IFT80: variants seen among roughly 807,000 people sequenced by gnomAD.
IFT80 encodes intraflagellar transport 80.
A neutral mutation model predicts 107.9 loss-of-function variants in IFT80; 79 were observed. The ratio of observed to expected loss-of-function variants is 0.73; its 90% CI spans 0.61 to 0.88. The LOEUF (loss-of-function observed/expected upper bound fraction) is 0.88. IFT80 is among the 40% of genes least tolerant of loss of function. The pLI is 0.00. For synonymous variants in IFT80, 299 were observed against 300.9 expected, an observed-to-expected ratio of 0.99 and a Z score of 0.07; for missense variants, 797 against 914.2, an observed-to-expected ratio of 0.87 and a Z score of 1.65.
At chr3:160,315,714 A>T (rs1717767272) in intron 9 of IFT80, among the ~76,000 whole-genome samples, 1 of 152,096 alleles carries the variant, frequency 6.6e-6, no homozygotes, top group South Asian at 2.1e-4. Flanking sequence ...TGCCATTGTA[A>T]ACTGGGAATA....
At chr3:160,337,352 G>A (rs543389157) in intron 8 of IFT80, among the ~76,000 whole-genome samples, 14 of 152,258 alleles carry the variant, frequency 9.2e-5, no homozygotes, top group African/African-American at 1.4e-4. Flanking sequence ...TGAGCCAGGC[G>A]TGGTGGTTCA....
chr3:160,378,168 T>C (rs1409915795), intron 3 of IFT80, among the ~76,000 whole-genome samples: 14 of 152,122 alleles, frequency 9.2e-5, no homozygotes, highest in Non-Finnish European at 1.5e-5. Flanking sequence ...GCAAGTATTT[T>C]AAACTTGGGA....
At chr3:160,298,400 T>G (rs778470280) in intron 12 of IFT80, among the ~76,000 whole-genome samples, 1 of 152,150 alleles carries the variant, frequency 6.6e-6, no homozygotes, top group South Asian at 2.1e-4. Context: ...TAAGTTTATA[T>G]TTACAGCAAA....
chr3:160,372,365 G>A (rs981638126), intron 5 of IFT80, among the ~76,000 whole-genome samples: 3 of 152,160 alleles, frequency 2.0e-5, no homozygotes, highest in Non-Finnish European at 4.4e-5. Context: ...CAGTAGTTCA[G>A]ATTTACAATC....
chr3:160,267,272 G>T (rs1250492666), intron 19 of IFT80, among the ~76,000 whole-genome samples: 1 of 152,090 alleles, frequency 6.6e-6, no homozygotes, highest in Non-Finnish European at 1.5e-5. Context: ...AATTGTGGGT[G>T]CCTTCTCTCT....
chr3:160,357,612 G>C, intron 6 of IFT80, 34 bp from the exon 7 acceptor site: 1 of 1,396,538 alleles, frequency 7.2e-7, no homozygotes, highest in Non-Finnish European at 1.0e-6. Flanking sequence ...TTAATTATAA[G>C]TTTAAAAGCA....
intron 8 of IFT80, among the ~76,000 whole-genome samples, chr3:160,352,011 A>G (rs1279655849): frequency 1.3e-5 from 2 of 149,982 alleles, no homozygotes; most frequent in Non-Finnish European, 2.9e-5. Flanking sequence ...ACATAACACA[A>G]TAGTAATTTT....
At chr3:160,366,823 C>T (rs886747646) in intron 5 of IFT80, among the ~76,000 whole-genome samples, 2 of 151,770 alleles carry the variant, frequency 1.3e-5, no homozygotes, top group African/African-American at 4.8e-5. Flanking sequence ...ATGAACAATC[C>T]AATTGTACTC....
intron 12 of IFT80, among the ~76,000 whole-genome samples, chr3:160,292,712 G>C (rs1172882260): frequency 1.3e-5 from 2 of 152,064 alleles, no homozygotes; most frequent in African/African-American, 4.8e-5. Context: ...TCCTGACCTT[G>C]TGATGCGCCC....
chr3:160,394,952 T>C (rs1576914974), intron 1 of IFT80, among the ~76,000 whole-genome samples: 2 of 152,132 alleles, frequency 1.3e-5, no homozygotes, highest in South Asian at 2.1e-4. Flanking sequence ...CACTTAATAA[T>C]GGAGACCCCT....
intron 18 of IFT80, among the ~76,000 whole-genome samples, chr3:160,272,986 G>A (rs1015279292): frequency 7.9e-5 from 12 of 152,062 alleles, no homozygotes; most frequent in African/African-American, 2.7e-4. Flanking sequence ...CATTTTATAC[G>A]AAGAACTTGA....
chr3:160,269,973 C>T (rs1401504281), intron 18 of IFT80, among the ~76,000 whole-genome samples: 3 of 151,864 alleles, frequency 2.0e-5, no homozygotes, highest in Non-Finnish European at 4.4e-5. Flanking sequence ...CTAGGAAAAT[C>T]TGGTTCATTT....
chr3:160,355,815 G>A (rs564616669), intron 8 of IFT80, among the ~76,000 whole-genome samples, 198 bp downstream of exon 8: 51 of 152,216 alleles, frequency 3.4e-4, no homozygotes, highest in African/African-American at 1.1e-3. Context: ...AGTAGAGATC[G>A]TGCCCATGCT....
intron 9 of IFT80, among the ~76,000 whole-genome samples, chr3:160,318,046 T>C (rs1717944665): frequency 2.0e-5 from 3 of 151,506 alleles, no homozygotes; most frequent in Admixed American, 6.6e-5. Context: ...CTTTTAGTTA[T>C]ATATACTAAA....
chr3:160,320,511 C>T (rs146041306), intron 8 of IFT80, among the ~76,000 whole-genome samples: 1 of 151,312 alleles, frequency 6.6e-6, no homozygotes, highest in Admixed American at 6.6e-5. Context: ...CTAGAGATAT[C>T]AATAAGCATT....
chr3:160,292,620 C>T (rs1405447882), intron 12 of IFT80, among the ~76,000 whole-genome samples: 1 of 151,934 alleles, frequency 6.6e-6, no homozygotes, highest in African/African-American at 2.4e-5. Flanking sequence ...GCTGGGATTA[C>T]AGGTGCACAC....
At chr3:160,337,788 T>A (rs1246918312) in intron 8 of IFT80, among the ~76,000 whole-genome samples, 1 of 152,346 alleles carries the variant, frequency 6.6e-6, no homozygotes, top group East Asian at 1.9e-4. Flanking sequence ...TTTCTTTAGA[T>A]GGCCAAAGTG....
intron 8 of IFT80, among the ~76,000 whole-genome samples, chr3:160,350,598 C>T (rs1720618854): frequency 6.6e-6 from 1 of 152,044 alleles, no homozygotes; most frequent in African/African-American, 2.4e-5. Flanking sequence ...AGGTGGATCA[C>T]GAGGTCAAGA....
chr3:160,370,721 C>A (rs1034745302), intron 5 of IFT80, among the ~76,000 whole-genome samples: 1 of 152,194 alleles, frequency 6.6e-6, no homozygotes, highest in African/African-American at 2.4e-5. Flanking sequence ...AGATCTCCAT[C>A]ACAGAGCTTC....
Sources: gnomAD v4.1 joint callset for allele counts (sites outside exome capture counted in the v4.1 genomes callset) on GRCh38, gnomAD v4.1.1 for gene constraint, MANE v1.5 for transcripts, NCBI Gene and HGNC (gene_info 2026-07-23, HGNC 2026-07-21) for gene names.